Variants in KCNB2 observed in about 807,000 individuals in gnomAD.
KCNB2 encodes the protein delayed rectifier potassium channel protein.
A neutral mutation model predicts 61.5 loss-of-function variants in KCNB2; 15 were observed. The ratio of observed to expected loss-of-function variants is 0.24; its 90% CI spans 0.16 to 0.38. KCNB2 has a LOEUF of 0.38. KCNB2 is among the 10% of genes least tolerant of loss of function. The pLI is 1.00. For missense variants in KCNB2, 828 were observed against 1,125.2 expected (o/e 0.74, Z 3.78); for synonymous variants, 457 against 446.0 (o/e 1.02, Z -0.31).
intron 2 of KCNB2, among the ~76,000 whole-genome samples, chr8:72,907,698 G>T (rs920876496): frequency 1.3e-5 from 2 of 152,202 alleles, no homozygotes; most frequent in Non-Finnish European, 2.9e-5. Flanking sequence ...CTTGCCAAAT[G>T]TAGGCTCGAA....
chr8:72,572,463 A>T (rs138756729), intron 2 of KCNB2, among the ~76,000 whole-genome samples: 1 of 152,136 alleles, frequency 6.6e-6, no homozygotes, highest in African/African-American at 2.4e-5. Flanking sequence ...ATGGTTTAGG[A>T]TCTGCTTCCC....
chr8:72,870,238 A>G (rs528631369), intron 2 of KCNB2, among the ~76,000 whole-genome samples: 1 of 152,320 alleles, frequency 6.6e-6, no homozygotes, highest in South Asian at 2.1e-4. Context: ...TTTCAGTTAC[A>G]TAAGATGAAT....
Position 72,586,939 on chromosome 8 carries a change from C to T in KCNB2, c.579+18626C>T, listed in dbSNP as rs17829460. 8.8e-3 allele frequency among the ~76,000 whole-genome samples: 1,346 copies of T among 152,248 alleles called. 9 individuals carry two copies. The highest frequency in any genetic ancestry group is 0.013 in the Non-Finnish European group (913 of 68,020). On this transcript the variant is annotated intron_variant, in intron 2 of 2. Coordinates refer to ENST00000523207, the MANE Select transcript of KCNB2 (RefSeq NM_004770.3). Reference sequence around the variant, plus strand: ...CAGAATGAATAACATATGATCCTCTCGAAGGTTGCTAGGTATTCTCAAACT... The same window carrying T: ...CAGAATGAATAACATATGATCCTCTTGAAGGTTGCTAGGTATTCTCAAACT...
At chr8:72,709,691 C>G (rs73309817) in intron 2 of KCNB2, among the ~76,000 whole-genome samples, 198 of 152,124 alleles carry the variant, frequency 1.3e-3, no homozygotes, top group African/African-American at 4.5e-3. Context: ...CCCCGCTGAT[C>G]CAGTCACCTC....
intron 2 of KCNB2, among the ~76,000 whole-genome samples, chr8:72,739,083 A>G (rs1807900219): frequency 6.6e-6 from 1 of 152,076 alleles, no homozygotes; most frequent in South Asian, 2.1e-4. Flanking sequence ...GTTTCAGTGT[A>G]TCTGTTTATC....
At chr8:72,645,389 C>A (rs1806113295) in intron 2 of KCNB2, among the ~76,000 whole-genome samples, 1 of 152,110 alleles carries the variant, frequency 6.6e-6, no homozygotes, top group Non-Finnish European at 1.5e-5. Context: ...TATGAGATGG[C>A]AGTAGTGCAT....
chr8:72,604,622 G>C (rs1308055764), intron 2 of KCNB2, among the ~76,000 whole-genome samples: 1 of 152,184 alleles, frequency 6.6e-6, no homozygotes, highest in Non-Finnish European at 1.5e-5. Flanking sequence ...ACCTAATGAA[G>C]TGTCATGAAC....
chr8:72,584,237 A>G (rs1333121556), intron 2 of KCNB2, among the ~76,000 whole-genome samples: 1 of 152,234 alleles, frequency 6.6e-6, no homozygotes, highest in African/African-American at 2.4e-5. Context: ...AATCAGAGAC[A>G]ACATATAGAC....
At chr8:72,655,285 G>A (rs977072483) in intron 2 of KCNB2, among the ~76,000 whole-genome samples, 5 of 152,018 alleles carry the variant, frequency 3.3e-5, no homozygotes, top group African/African-American at 1.2e-4. Flanking sequence ...ATAGGCATGA[G>A]GGCCTACTTG....
At chr8:72,809,262 C>A (rs1436465970) in intron 2 of KCNB2, among the ~76,000 whole-genome samples, 2 of 152,122 alleles carry the variant, frequency 1.3e-5, no homozygotes, top group East Asian at 1.9e-4. Flanking sequence ...ATCATGTATT[C>A]TTTCTCTTTT....
chr8:72,768,339 T>C (rs1345100327), intron 2 of KCNB2, among the ~76,000 whole-genome samples: 1 of 152,066 alleles, frequency 6.6e-6, no homozygotes, highest in African/African-American at 2.4e-5. Context: ...ATTGCCCAGC[T>C]AATTTTTGTA....
intron 2 of KCNB2, among the ~76,000 whole-genome samples, chr8:72,581,477 T>A (rs558520318): frequency 6.6e-6 from 1 of 152,212 alleles, no homozygotes; most frequent in Non-Finnish European, 1.5e-5. Flanking sequence ...TAAAGAACAC[T>A]GACTGTGCCT....
chr8:72,637,928 G>T lies in KCNB2; in HGVS notation c.579+69615G>T, dbSNP rs1805992164. ...GTGAAATAAGAAGTAAGTTAAAAGG[G>T]CAAAGACTCATGGGCCATATGTCAG... On this transcript the variant is annotated intron_variant, in intron 2 of 2. Transcript: ENST00000523207. Among the ~76,000 whole-genome samples the T allele has an allele frequency of 2.6e-5, 4 of 152,056 alleles. No individual in the cohort carries two copies. The South Asian group carries it at 8.3e-4, about 32-fold the overall frequency.
intron 2 of KCNB2, among the ~76,000 whole-genome samples, chr8:72,815,469 TC>T (rs1257761619): frequency 6.6e-6 from 1 of 152,182 alleles, no homozygotes; most frequent in African/African-American, 2.4e-5. Flanking sequence ...TTGTCTTCAT[TC>T]CCCATAGACT....
intron 2 of KCNB2, among the ~76,000 whole-genome samples, chr8:72,682,549 G>A (rs1004352792): frequency 5.4e-5 from 8 of 146,852 alleles, no homozygotes; most frequent in African/African-American, 1.5e-4. Flanking sequence ...TCAGAGTTTT[G>A]TCAACACAGT....
intron 2 of KCNB2, among the ~76,000 whole-genome samples, chr8:72,854,579 G>A (rs1490720852): frequency 6.6e-6 from 1 of 152,140 alleles, no homozygotes; most frequent in South Asian, 2.1e-4. Flanking sequence ...CCCTCTTCAG[G>A]TGCAGTGTAG....
At chr8:72,614,783 C>T (rs142147273) in intron 2 of KCNB2, among the ~76,000 whole-genome samples, 151 of 152,228 alleles carry the variant, frequency 9.9e-4, no homozygotes, top group African/African-American at 3.4e-3. Context: ...AATTTCCTGT[C>T]CCCACTCCAT....
At chr8:72,700,946 T>C (rs1807112959) in intron 2 of KCNB2, among the ~76,000 whole-genome samples, 1 of 152,230 alleles carries the variant, frequency 6.6e-6, no homozygotes, top group Non-Finnish European at 1.5e-5. Context: ...TATAGGTAGC[T>C]GGAGGCCATT....
intron 2 of KCNB2, among the ~76,000 whole-genome samples, chr8:72,599,217 A>T (rs893283629): frequency 6.6e-6 from 1 of 152,192 alleles, no homozygotes. Flanking sequence ...GGCTACAGTA[A>T]CCAAAACAGC....
Sources: allele counts gnomAD v4.1 joint callset (sites outside exome capture counted in the v4.1 genomes callset), GRCh38; gene constraint gnomAD v4.1.1; transcripts MANE v1.5; gene names NCBI Gene and HGNC (gene_info 2026-07-23, HGNC 2026-07-21).